Variants in NHERF1 observed in about 807,000 individuals in gnomAD.
NHERF1 encodes NHERF family PDZ scaffold protein 1, also known as Na(+)/H(+) exchange regulatory cofactor NHE-RF1.
the NHERF1 span, among the ~76,000 whole-genome samples, chr17:74,763,749 G>A: frequency 6.6e-6 from 1 of 152,182 alleles, no homozygotes; most frequent in Non-Finnish European, 1.5e-5. Flanking sequence ...GGGTCAGCTG[G>A]CATGAGGTCG....
At chr17:74,760,588 C>G in the NHERF1 span, among the ~76,000 whole-genome samples, 2 of 152,152 alleles carry the variant, frequency 1.3e-5, no homozygotes, top group African/African-American at 4.8e-5. This position sits in a 1 kb window ranked among gnomAD's most constrained non-coding sequence, Gnocchi z 4.5. Context: ...CTGGGCGCGC[C>G]TTCCCACCCC....
At chr17:74,748,754 C>A in the NHERF1 span, 1 of 1,198,926 alleles carries the variant, frequency 8.3e-7, no homozygotes, top group Non-Finnish European at 1.2e-6. This position sits in a 1 kb window ranked among gnomAD's most constrained non-coding sequence, Gnocchi z 4.3. Flanking sequence ...CTCTGCTGCG[C>A]TCCCGGTTCG....
the NHERF1 span, chr17:74,748,662 C>G: frequency 1.9e-5 from 11 of 584,528 alleles, no homozygotes; most frequent in South Asian, 6.5e-5. This position sits in a 1 kb window ranked among gnomAD's most constrained non-coding sequence, Gnocchi z 4.3. Flanking sequence ...GTCTGTGGTC[C>G]TCTCTCGGCT....
chr17:74,761,891 C>A, the NHERF1 span: 1 of 989,926 alleles, frequency 1.0e-6, no homozygotes. The surrounding 1 kb of genome is among the most constrained non-coding windows in gnomAD (Gnocchi z 4.3). Context: ...GTGTAGGGAT[C>A]TAGGCAAATT....
the NHERF1 span, among the ~76,000 whole-genome samples, chr17:74,765,329 C>T: frequency 2.0e-5 from 3 of 150,406 alleles, no homozygotes; most frequent in Non-Finnish European, 4.4e-5. Context: ...GGTGCGATCT[C>T]GGCTCACAGC....
the NHERF1 span, among the ~76,000 whole-genome samples, chr17:74,755,709 T>G: frequency 2.6e-5 from 4 of 151,978 alleles, no homozygotes; most frequent in East Asian, 7.7e-4. Context: ...TTTGGGGCAG[T>G]CTCAGGCAGC....
the NHERF1 span, among the ~76,000 whole-genome samples, chr17:74,750,093 C>T: frequency 6.6e-6 from 1 of 152,216 alleles, no homozygotes; most frequent in Non-Finnish European, 1.5e-5. Context: ...TCCTGGGGCT[C>T]ACGGCCCTGT....
At chr17:74,768,720 C>A in the NHERF1 span, 1 of 1,439,012 alleles carries the variant, frequency 6.9e-7, no homozygotes, top group Middle Eastern at 1.7e-4. Flanking sequence ...CTTTTTCCTT[C>A]TCCCCAATTA....
the NHERF1 span, chr17:74,763,567 A>C: frequency 3.2e-6 from 5 of 1,549,616 alleles, no homozygotes; most frequent in Non-Finnish European, 4.4e-6. Context: ...GAGCCCCCCA[A>C]GTCAGGGATG....
At chr17:74,767,990 C>A in the NHERF1 span, 1 of 749,038 alleles carries the variant, frequency 1.3e-6, no homozygotes, top group Non-Finnish European at 2.5e-6. Context: ...AAAAGGAGCC[C>A]CAGCAGGCTC....
chr17:74,763,448 C>G, the NHERF1 span: 1 of 1,613,872 alleles, frequency 6.2e-7, no homozygotes, highest in Admixed American at 1.7e-5. Context: ...GACCAAGCTG[C>G]TGGTGGTGGA....
At chr17:74,755,580 G>T in the NHERF1 span, among the ~76,000 whole-genome samples, 1 of 152,212 alleles carries the variant, frequency 6.6e-6, no homozygotes, top group Non-Finnish European at 1.5e-5. Context: ...TGCTGGCCAG[G>T]TTCAAGTCCC....
the NHERF1 span, chr17:74,769,287 C>G: frequency 1.3e-5 from 2 of 152,370 alleles, no homozygotes; most frequent in Non-Finnish European, 2.9e-5. Context: ...GCTACCCCTG[C>G]CCATCCCTGA....
At chr17:74,749,787 C>T in the NHERF1 span, among the ~76,000 whole-genome samples, 1 of 152,196 alleles carries the variant, frequency 6.6e-6, no homozygotes, top group African/African-American at 2.4e-5. The surrounding 1 kb of genome is among the most constrained non-coding windows in gnomAD (Gnocchi z 5.6). Flanking sequence ...AGCCCCGGCG[C>T]GAGGAGGCCC....
chr17:74,755,462 C>A, the NHERF1 span, among the ~76,000 whole-genome samples: 1 of 152,164 alleles, frequency 6.6e-6, no homozygotes, highest in Non-Finnish European at 1.5e-5. Context: ...TCACCATGTC[C>A]CCAGACTCCT....
At chr17:74,759,508 C>T in the NHERF1 span, among the ~76,000 whole-genome samples, 3 of 152,156 alleles carry the variant, frequency 2.0e-5, no homozygotes, top group Admixed American at 6.5e-5. Flanking sequence ...CCGGGGGGGG[C>T]GCCCAGAGCC....
At chr17:74,767,033 T>C in the NHERF1 span, 1 of 1,528,044 alleles carries the variant, frequency 6.5e-7, no homozygotes, top group Non-Finnish European at 9.1e-7. Flanking sequence ...ATGAGACAGA[T>C]CAGAAGGTGC....
At chr17:74,752,597 G>C in the NHERF1 span, among the ~76,000 whole-genome samples, 1 of 151,762 alleles carries the variant, frequency 6.6e-6, no homozygotes, top group Non-Finnish European at 1.5e-5. Context: ...GGGCTCAATC[G>C]ATCCTCCCAC....
the NHERF1 span, among the ~76,000 whole-genome samples, chr17:74,753,351 T>A: frequency 6.6e-6 from 1 of 152,140 alleles, no homozygotes; most frequent in African/African-American, 2.4e-5. Context: ...GGGGCACAGT[T>A]AGCTGGAGGG....
Sources: gnomAD v4.1 joint callset for allele counts (sites outside exome capture counted in the v4.1 genomes callset) on GRCh38, gnomAD v4.1.1 for gene constraint, Gnocchi (gnomAD v3.1) non-coding constraint, MANE v1.5 for transcripts, NCBI Gene and HGNC (gene_info 2026-07-23, HGNC 2026-07-21) for gene names.